TENM1: variants seen among roughly 807,000 people sequenced by gnomAD.
TENM1 encodes the protein teneurin transmembrane protein 1.
A neutral mutation model predicts 174.8 loss-of-function variants in TENM1; 35 were observed. That is an observed-to-expected ratio of 0.20 (90% CI 0.15 to 0.27). The LOEUF (loss-of-function observed/expected upper bound fraction) is 0.27, where lower values mean the gene tolerates loss of function less well. TENM1 is among the 10% of genes least tolerant of loss of function. The probability of loss-of-function intolerance (pLI) is 1.00; values close to 1 mark genes in which losing one functional copy is unlikely to be tolerated. For missense variants in TENM1, 1,633 were observed against 2,130.1 expected, an observed-to-expected ratio of 0.77 and a Z score of 4.59; for synonymous variants, 781 against 798.7, an observed-to-expected ratio of 0.98 and a Z score of 0.37.
chrX:125,006,086 C>A, the TENM1 span, among the ~76,000 whole-genome samples: 1 of 111,952 alleles, frequency 8.9e-6, no homozygotes, highest in Non-Finnish European at 1.9e-5. Context: ...GGGTCTGACT[C>A]CCACGGAGCT....
chrX:124,653,324 G>A (rs780543367), intron 7 of TENM1, among the ~76,000 whole-genome samples: 18 of 111,403 alleles, frequency 1.6e-4, no homozygotes, highest in East Asian at 1.1e-3. Context: ...ATGAACAGCC[G>A]GTTCCAGGAA....
At chrX:125,018,414 A>T in the TENM1 span, among the ~76,000 whole-genome samples, 1 of 111,674 alleles carries the variant, frequency 9.0e-6, no homozygotes, top group African/African-American at 3.2e-5. Context: ...GAATTAAAAA[A>T]TTTATGACAT....
chrX:125,200,654 T>TGTGTGTGAGAGA, the TENM1 span, among the ~76,000 whole-genome samples: 91 of 92,420 alleles, frequency 9.8e-4, no homozygotes, highest in Middle Eastern at 5.5e-3. Flanking sequence ...TGTGTGTGTG[T>TGTGTGTGAGAGA]GAGAGAGAGA....
chrX:124,496,958 T>A (rs2047215059), intron 20 of TENM1, 58 bp downstream of exon 23: 15 of 1,146,396 alleles, frequency 1.3e-5, no homozygotes, highest in Non-Finnish European at 1.1e-5. Context: ...TCTTTTCATA[T>A]TATCTTGCTT....
intron 19 of TENM1, among the ~76,000 whole-genome samples, chrX:124,498,842 G>C (rs1455763437): frequency 9.0e-6 from 1 of 111,054 alleles, no homozygotes; most frequent in Non-Finnish European, 1.9e-5. Flanking sequence ...CAGATCCTCT[G>C]TCTTACTCCT....
chrX:124,833,578 T>C (rs1468639756), intron 3 of TENM1, among the ~76,000 whole-genome samples: 3 of 112,092 alleles, frequency 2.7e-5, no homozygotes, highest in Non-Finnish European at 5.6e-5. Flanking sequence ...CTTTTCTTTT[T>C]TCCCTAGTTC....
intron 23 of TENM1, among the ~76,000 whole-genome samples, chrX:124,435,755 A>C (rs1408078870): frequency 1.8e-5 from 2 of 111,658 alleles, no homozygotes; most frequent in African/African-American, 6.5e-5. Flanking sequence ...GGTTTTGCCC[A>C]CCACTTCCCT....
At chrX:125,166,265 C>T in the TENM1 span, among the ~76,000 whole-genome samples, 2 of 111,260 alleles carry the variant, frequency 1.8e-5, no homozygotes, top group Non-Finnish European at 1.9e-5. Flanking sequence ...GCAACCTCAT[C>T]CAACTTACCA....
chrX:124,977,330 A>G, the TENM1 span, among the ~76,000 whole-genome samples: 2 of 111,773 alleles, frequency 1.8e-5, no homozygotes, highest in East Asian at 5.6e-4. Flanking sequence ...AGAAAATATC[A>G]TTCAGGGAGT....
chrX:124,735,255 A>T (rs1472609616), intron 4 of TENM1, among the ~76,000 whole-genome samples: 2 of 112,330 alleles, frequency 1.8e-5, no homozygotes, highest in Non-Finnish European at 3.8e-5. Flanking sequence ...ACAAGAAAAA[A>T]ATACCCAAAA....
chrX:125,201,387 A>G, the TENM1 span, among the ~76,000 whole-genome samples: 1 of 112,622 alleles, frequency 8.9e-6, no homozygotes, highest in Admixed American at 9.4e-5. Flanking sequence ...CCTTTACAGC[A>G]CAATGATTCT....
At position 124,842,837 on chromosome X, in the gene TENM1, A is replaced by G. The variant is rs181508657; in HGVS notation, c.535+51459T>C. Among the ~76,000 whole-genome samples, 44 of 111,243 alleles carry G rather than the reference A, an allele frequency of 4.0e-4. 1 individual carries two copies. In the East Asian group the frequency reaches 0.012, roughly 30 times the overall value. On this transcript the variant is annotated intron_variant, in intron 3 of 31. Transcript: ENST00000422452. ...AGGGACATAATTTAGTCCATAGCATACTGGTTTCATTTTTAAGCTAATTAC... is the reference window on the plus strand; with the variant it reads ...AGGGACATAATTTAGTCCATAGCATGCTGGTTTCATTTTTAAGCTAATTAC...
At chrX:125,004,602 T>A in the TENM1 span, among the ~76,000 whole-genome samples, 2 of 112,279 alleles carry the variant, frequency 1.8e-5, no homozygotes, top group Admixed American at 1.9e-4. Context: ...TTAAAACTTT[T>A]TACTTTGAAT....
the TENM1 span, among the ~76,000 whole-genome samples, chrX:125,156,632 A>G: frequency 8.9e-6 from 1 of 111,924 alleles, no homozygotes; most frequent in Non-Finnish European, 1.9e-5. Flanking sequence ...GTGTATATAT[A>G]CTACATTTTC....
the TENM1 span, among the ~76,000 whole-genome samples, chrX:125,073,529 G>GT: frequency 9.0e-6 from 1 of 111,243 alleles, no homozygotes; most frequent in Non-Finnish European, 1.9e-5. Context: ...ATCCTTTATG[G>GT]TTTTTTCACT....
chrX:125,200,648 TGTGTGTGAGA>T, the TENM1 span, among the ~76,000 whole-genome samples: 1 of 60,143 alleles, frequency 1.7e-5, no homozygotes, highest in East Asian at 4.0e-4. Context: ...TGTGTGTGTG[TGTGTGTGAGA>T]GAGAGAGAGA....
At chrX:124,405,375 G>A (rs779501378) in intron 26 of TENM1, 109 bp from the exon 30 acceptor site, 13 of 588,910 alleles carry the variant, frequency 2.2e-5, no homozygotes, top group Non-Finnish European at 2.7e-5. Flanking sequence ...AAGCAGGTGG[G>A]GTGCTGTGGT....
exon 32 of TENM1, chrX:124,380,053 C>T (rs904342332): frequency 8.8e-6 from 1 of 113,180 alleles, no homozygotes; most frequent in Admixed American, 9.4e-5. Flanking sequence ...CATTTTACAC[C>T]TGTTTTTAAG....
intron 3 of TENM1, among the ~76,000 whole-genome samples, chrX:124,771,596 T>C (rs771552956): frequency 8.9e-6 from 1 of 112,562 alleles, no homozygotes; most frequent in Admixed American, 9.4e-5. Flanking sequence ...TAAAATGCAC[T>C]GGATGCTTTA....
Sources: allele counts gnomAD v4.1 joint callset (sites outside exome capture counted in the v4.1 genomes callset), GRCh38; gene constraint gnomAD v4.1.1; transcripts MANE v1.5; gene names NCBI Gene and HGNC (gene_info 2026-07-23, HGNC 2026-07-21).